Variants in GRHL3 observed in about 807,000 individuals in gnomAD.
GRHL3 encodes grainyhead like transcription factor 3, also known as grainyhead-like protein 3 homolog.
Under a neutral mutation model 70.3 loss-of-function variants are expected in GRHL3, and 20 were observed. That is an observed-to-expected ratio of 0.28 (90% CI 0.20 to 0.41). The LOEUF (loss-of-function observed/expected upper bound fraction) is 0.41. Among genes scored for constraint, GRHL3 ranks in the 10% least tolerant of loss-of-function variants. The probability of loss-of-function intolerance (pLI) is 1.00; values close to 1 mark genes in which losing one functional copy is unlikely to be tolerated. For missense variants in GRHL3, 637 were observed against 762.3 expected (o/e 0.84, Z 1.94); for synonymous variants, 299 against 299.9 (o/e 1.00, Z 0.03).
rs771908242 is a variant in GRHL3 at position 24,334,625 on chromosome 1, C to T, written c.205-20C>T. 6.2e-7 allele frequency: 1 copy of T among 1,605,284 alleles called. No individual in the cohort carries two copies. Among genetic ancestry groups the T allele is most frequent in the Non-Finnish European group, 8.5e-7 (1 of 1,174,948 alleles). On this transcript the variant is annotated intron_variant, in intron 2 of 15. Transcript: ENST00000361548. The surrounding 1 kb of genome is among the most constrained non-coding windows in gnomAD (Gnocchi z 4.3). The stretch of plus-strand genomic sequence containing the variant: ...GCAGAAGCTTAGCCATGCATAAATC[C>T]TTCCTTTCTCTCTTCTCAGGGTCCC...
downstream of GRHL3, chr1:24,358,052 CGTAA>C (rs375288456): frequency 1.3e-5 from 5 of 371,010 alleles, no homozygotes; most frequent in Non-Finnish European, 2.2e-5. Flanking sequence ...GTAGACATAC[CGTAA>C]GTGAGTGAGG....
At chr1:24,327,967 G>A (rs1639457447) in intron 1 of GRHL3, among the ~76,000 whole-genome samples, 1 of 152,170 alleles carries the variant, frequency 6.6e-6, no homozygotes, top group Non-Finnish European at 1.5e-5. Context: ...CTTAGTTCTA[G>A]AACATGAGGT....
Position 24,334,606 on chromosome 1 carries a change from G to A in GRHL3, c.205-39G>A, listed in dbSNP as rs1457915540. On this transcript the variant is annotated intron_variant, in intron 2 of 15. Transcript: ENST00000361548. The surrounding 1 kb of genome is among the most constrained non-coding windows in gnomAD (Gnocchi z 4.3). ...GGGATTGAGGCTCCTACCAGCAGAA[G>A]CTTAGCCATGCATAAATCCTTCCTT... 6.4e-7 allele frequency: 1 copy of A among 1,563,878 alleles called. No homozygotes were observed. Among genetic ancestry groups the A allele is most frequent in the African/African-American group, 1.4e-5 (1 of 73,824 alleles).
chr1:24,338,449 G>A (rs1013919107), intron 7 of GRHL3, among the ~76,000 whole-genome samples: 4 of 152,234 alleles, frequency 2.6e-5, no homozygotes, highest in East Asian at 1.9e-4. Context: ...AGCACAGGAC[G>A]TTCAGCTTTT....
intron 6 of GRHL3, 99 bp from the exon 7 acceptor site, chr1:24,337,893 C>T: frequency 6.4e-7 from 1 of 1,560,778 alleles, no homozygotes; most frequent in African/African-American, 1.3e-5. Context: ...GATAATAGCC[C>T]ATTGCCACAG....
intron 15 of GRHL3, chr1:24,360,780 T>C (rs1641052792): frequency 7.1e-7 from 1 of 1,400,412 alleles, no homozygotes; most frequent in Non-Finnish European, 9.7e-7. Context: ...TCAATGGCAT[T>C]TGATGACCCA....
chr1:24,359,386 C>A (rs1275434696), downstream of GRHL3, among the ~76,000 whole-genome samples: 1 of 152,244 alleles, frequency 6.6e-6, no homozygotes, highest in Admixed American at 6.5e-5. The surrounding 1 kb of genome is among the most constrained non-coding windows in gnomAD (Gnocchi z 5.3). Flanking sequence ...CTATGCCCTA[C>A]CCTCTCTGGA....
chr1:24,320,561 G>A lies in GRHL3; in HGVS notation c.17+993G>A, dbSNP rs182538726. Among the ~76,000 whole-genome samples the A allele has an allele frequency of 2.0e-5, 3 of 152,272 alleles. No homozygotes were observed. In the East Asian group the frequency reaches 5.8e-4, roughly 29 times the overall value. On this transcript the variant is annotated intron_variant, in intron 1 of 15. Coordinates refer to ENST00000361548, the MANE Select transcript of GRHL3 (RefSeq NM_198173.3). ...TTCCTGCCACCCTCAGAGGTGAGTGGGCAGAGGCAAGGATTGTACCATCTT... is the reference window on the plus strand; with the variant it reads ...TTCCTGCCACCCTCAGAGGTGAGTGAGCAGAGGCAAGGATTGTACCATCTT...
At chr1:24,350,203 G>A (rs1367389037) in intron 15 of GRHL3, 81 bp downstream of exon 15, 2 of 1,219,804 alleles carry the variant, frequency 1.6e-6, no homozygotes, top group Admixed American at 4.1e-5. Flanking sequence ...GAGGGGCTGA[G>A]GGGATGTGGA....
intron 15 of GRHL3, 90 bp downstream of exon 15, chr1:24,350,212 G>A (rs947178381): frequency 1.8e-6 from 2 of 1,099,588 alleles, no homozygotes; most frequent in African/African-American, 3.1e-5. Context: ...AGGGGATGTG[G>A]AGTTGGGGTG....
intron 15 of GRHL3, among the ~76,000 whole-genome samples, chr1:24,361,785 C>T (rs370450196): frequency 8.5e-5 from 13 of 152,082 alleles, no homozygotes; most frequent in Admixed American, 7.2e-4. Flanking sequence ...AATGAAAGAC[C>T]GGACCTGTAC....
In GRHL3 at chr1:24,342,286, G is replaced by A. The variant is rs1259044561; in HGVS notation, c.1206+13G>A. ...CTTCTGTGACAAGGTGGCTGGACTG[G>A]GCAGACCCTATACTGGGTCCCGGGG... On this transcript the variant is annotated intron_variant, in intron 9 of 15. Transcript: ENST00000361548. This position sits in a 1 kb window ranked among gnomAD's most constrained non-coding sequence, Gnocchi z 4.8. The A allele has an allele frequency of 5.6e-6, 9 of 1,595,540 alleles. No homozygotes were observed. Among genetic ancestry groups the A allele is most frequent in the Non-Finnish European group, 7.7e-6 (9 of 1,169,750 alleles).
At chr1:24,329,159 C>T (rs1167682754) in intron 1 of GRHL3, among the ~76,000 whole-genome samples, 1 of 152,236 alleles carries the variant, frequency 6.6e-6, no homozygotes, top group African/African-American at 2.4e-5. Flanking sequence ...TGTCATTTCT[C>T]TTTCCTGCGT....
At chr1:24,360,707 G>T in intron 15 of GRHL3, 1 of 723,486 alleles carries the variant, frequency 1.4e-6, no homozygotes, top group Non-Finnish European at 2.2e-6. Flanking sequence ...GTGAAAATGT[G>T]AACTGATAAT....
At chr1:24,345,009 TC>T (rs1640199054) in intron 12 of GRHL3, 78 bp downstream of exon 12, 2 of 614,918 alleles carry the variant, frequency 3.3e-6, no homozygotes, top group East Asian at 8.5e-5. Flanking sequence ...CACCTGTGCC[TC>T]CGCCACACCT....
chr1:24,337,996 T>C lies in GRHL3; in HGVS notation c.845T>C (p.Val282Ala). Residue 282 changes from valine to alanine, a missense_variant, in exon 7 of 16, where the codon GTG becomes GCG. Val to Ala is a moderately conservative substitution (Grantham distance 64, BLOSUM62 0). This residue lies in a region of GRHL3 where 387 missense variants were observed against 513.8 expected (regional missense o/e 0.75). Coordinates refer to ENST00000361548, the MANE Select transcript of GRHL3 (RefSeq NM_198173.3). ...LALSSNKVKS[V>A]VMVVFDNEKV... ...TGTGACCAACTGTGCTTGCAGAGTG[T>C]GGTGATGGTTGTCTTCGACAATGAG... 6 of 1,603,444 alleles carry C rather than the reference T, an allele frequency of 3.7e-6. No homozygotes were observed. Among genetic ancestry groups the C allele is most frequent in the Non-Finnish European group, 5.1e-6 (6 of 1,174,372 alleles).
intron 2 of GRHL3, among the ~76,000 whole-genome samples, chr1:24,333,278 G>A (rs1045576855): frequency 8.5e-5 from 13 of 152,156 alleles, no homozygotes; most frequent in Non-Finnish European, 1.8e-4. Context: ...GCACCAAGTC[G>A]GGAATTTGAG....
intron 15 of GRHL3, among the ~76,000 whole-genome samples, chr1:24,361,287 G>A (rs537868370): frequency 1.3e-5 from 2 of 152,256 alleles, no homozygotes; most frequent in East Asian, 1.9e-4. Context: ...ATGAGATGAC[G>A]TACCTAAAAC....
downstream of GRHL3, chr1:24,357,235 T>C (rs538190663): frequency 5.1e-4 from 77 of 152,302 alleles, no homozygotes; most frequent in South Asian, 1.2e-3. Flanking sequence ...GACGCACCCT[T>C]GATGTCAGAA....
Sources: gnomAD v4.1 joint callset for allele counts (sites outside exome capture counted in the v4.1 genomes callset) on GRCh38, gnomAD v4.1.1 for gene constraint, gnomAD v4.1.1 regional missense constraint, Gnocchi (gnomAD v3.1) non-coding constraint, MANE v1.5 for transcripts, NCBI Gene and HGNC (gene_info 2026-07-23, HGNC 2026-07-21) for gene names.